RAPGEF4: variants seen among roughly 807,000 people sequenced by gnomAD.
The protein encoded by RAPGEF4 is RAP guanine-nucleotide-exchange factor (GEF) 4.
In RAPGEF4, 66 loss-of-function variants were observed where a neutral mutation model predicts 147.9. The ratio of observed to expected loss-of-function variants is 0.45; its 90% confidence interval spans 0.37 to 0.55. The LOEUF (loss-of-function observed/expected upper bound fraction) is 0.55. RAPGEF4 is among the 20% of genes least tolerant of loss of function. The probability of loss-of-function intolerance (pLI) is 0.00; values close to 1 mark genes in which losing one functional copy is unlikely to be tolerated. For missense variants in RAPGEF4, 1,071 were observed against 1,257.3 expected (o/e 0.85, Z 2.24); for synonymous variants, 419 against 442.7 (o/e 0.95, Z 0.67).
chr2:172,934,723 T>C (rs1686364559), intron 6 of RAPGEF4, among the ~76,000 whole-genome samples: 1 of 147,574 alleles, frequency 6.8e-6, no homozygotes, highest in African/African-American at 2.5e-5. Context: ...AGTGTTTCAT[T>C]TCATCTGTTA....
intron 19 of RAPGEF4, among the ~76,000 whole-genome samples, 171 bp downstream of exon 19, chr2:173,016,608 G>C (rs926428988): frequency 4.6e-5 from 7 of 152,166 alleles, no homozygotes; most frequent in Admixed American, 4.6e-4. Flanking sequence ...AGGAACAGAA[G>C]GACTGAGATT....
chr2:173,035,050 C>T (rs1347717355), intron 27 of RAPGEF4, among the ~76,000 whole-genome samples: 1 of 151,694 alleles, frequency 6.6e-6, no homozygotes, highest in Admixed American at 6.6e-5. Context: ...TTGAGTATAA[C>T]TTTTTATTAT....
intron 23 of RAPGEF4, among the ~76,000 whole-genome samples, chr2:173,021,593 C>T (rs536050941): frequency 6.6e-6 from 1 of 152,018 alleles, no homozygotes; most frequent in Admixed American, 6.5e-5. Context: ...GCCTCAAAAA[C>T]AAAGAAAAGA....
intron 1 of RAPGEF4, among the ~76,000 whole-genome samples, chr2:172,762,017 G>A (rs2149468974): frequency 6.6e-6 from 1 of 152,296 alleles, no homozygotes; most frequent in African/African-American, 2.4e-5. Flanking sequence ...AGCTACTCGG[G>A]AGGCTGAGGC....
At chr2:172,908,128 G>A (rs943474295) in intron 4 of RAPGEF4, among the ~76,000 whole-genome samples, 22 of 152,166 alleles carry the variant, frequency 1.4e-4, no homozygotes, top group African/African-American at 5.1e-4. Flanking sequence ...ATAATGCCTG[G>A]GGTCTATACC....
chr2:172,857,685 C>T (rs961722874), intron 4 of RAPGEF4, among the ~76,000 whole-genome samples: 4 of 151,672 alleles, frequency 2.6e-5, no homozygotes, highest in African/African-American at 9.7e-5. Flanking sequence ...AGTTTGAGAC[C>T]AGCCTGCGAA....
At chr2:173,031,429 TGCTGGAGACCTAGGG>T (rs1275045003) in intron 26 of RAPGEF4, among the ~76,000 whole-genome samples, 1 of 152,254 alleles carries the variant, frequency 6.6e-6, no homozygotes, top group African/African-American at 2.4e-5. Context: ...CTCTTGGGAT[TGCTGGAGACCTAGGG>T]TCCTCCTGCA....
Position 172,736,003 on chromosome 2 carries a change from C to T in RAPGEF4, c.20C>T (p.Ala7Val), listed in dbSNP as rs1279726029. The T allele has an allele frequency of 5.8e-5, 86 of 1,479,744 alleles. No homozygotes were observed. The highest frequency in any genetic ancestry group is 7.5e-5 in the Non-Finnish European group (84 of 1,113,822). The allele number at this position is 1,479,744 out of a possible 1,614,324, so 91.7% of individuals were successfully genotyped here. Residue 7 changes from alanine to valine, a missense_variant, in exon 1 of 31, where the codon GCC becomes GTC. Physicochemically the swap from Ala to Val is moderately conservative, Grantham distance 64. Transcript: ENST00000397081. MVAAHA[A>V]HSSSSAEWIA... ...CTCAACATGGTCGCTGCGCACGCTG[C>T]CCATTCTTCCTCCTCTGCCGAGTGG...
chr2:172,847,474 T>C (rs1692326548), intron 4 of RAPGEF4, among the ~76,000 whole-genome samples: 1 of 152,172 alleles, frequency 6.6e-6, no homozygotes, highest in African/African-American at 2.4e-5. Context: ...GCCTCCTCCT[T>C]GGCTCCTGCC....
At chr2:172,903,054 C>G (rs145965093) in intron 4 of RAPGEF4, among the ~76,000 whole-genome samples, 59 of 152,038 alleles carry the variant, frequency 3.9e-4, no homozygotes, top group Non-Finnish European at 7.8e-4. Context: ...GAAAAGCTGG[C>G]GGAGTTTAGA....
At chr2:173,025,017 G>T (rs1407811585) in intron 23 of RAPGEF4, among the ~76,000 whole-genome samples, 1 of 152,206 alleles carries the variant, frequency 6.6e-6, no homozygotes, top group Non-Finnish European at 1.5e-5. Context: ...TTAAAGCCCA[G>T]CTTCTTCAAG....
intron 4 of RAPGEF4, among the ~76,000 whole-genome samples, chr2:172,873,148 T>C (rs1228397373): frequency 6.6e-6 from 1 of 152,202 alleles, no homozygotes; most frequent in Admixed American, 6.5e-5. Flanking sequence ...ACAATGTGTC[T>C]ATAATTGCAT....
intron 6 of RAPGEF4, among the ~76,000 whole-genome samples, chr2:172,937,359 A>G (rs2553004): frequency 0.96 from 145,395 of 152,226 alleles, 69,822 homozygotes; most frequent in South Asian, 1. Context: ...TTGGCTATCC[A>G]TTTCTCAGAC....
chr2:172,736,133 C>A, intron 1 of RAPGEF4, 85 bp downstream of exon 1: 1 of 1,130,022 alleles, frequency 8.8e-7, no homozygotes, highest in Non-Finnish European at 1.1e-6. Flanking sequence ...CACCTGGGCG[C>A]AGCGCGGCCG....
intron 1 of RAPGEF4, chr2:172,744,288 A>T (rs569179177): frequency 2.5e-6 from 1 of 399,896 alleles, no homozygotes; most frequent in East Asian, 7.7e-5. Flanking sequence ...TCTTAGGATC[A>T]GCCAGACCTG....
At chr2:172,973,287 G>GT (rs1420914951) in intron 10 of RAPGEF4, among the ~76,000 whole-genome samples, 1 of 151,140 alleles carries the variant, frequency 6.6e-6, no homozygotes, top group African/African-American at 2.4e-5. Context: ...TAATTTTTTA[G>GT]TTTTTTATAG....
chr2:173,023,135 C>T (rs1235886078), intron 23 of RAPGEF4, among the ~76,000 whole-genome samples: 2 of 152,168 alleles, frequency 1.3e-5, no homozygotes, highest in African/African-American at 2.4e-5. Context: ...AGGGTGTGGG[C>T]ACACGAGGAA....
intron 10 of RAPGEF4, among the ~76,000 whole-genome samples, chr2:172,973,899 A>C (rs1690783588): frequency 6.6e-6 from 1 of 152,328 alleles, no homozygotes; most frequent in Non-Finnish European, 1.5e-5. Context: ...ACTGAGCACA[A>C]GAGCTCTGGG....
At chr2:173,034,679 G>A (rs1559201251) in intron 27 of RAPGEF4, among the ~76,000 whole-genome samples, 1 of 151,996 alleles carries the variant, frequency 6.6e-6, no homozygotes, top group African/African-American at 2.4e-5. Flanking sequence ...TTCGAGACCA[G>A]CCTGGCCAAC....
Sources: gnomAD v4.1 joint callset for allele counts (sites outside exome capture counted in the v4.1 genomes callset) on GRCh38, gnomAD v4.1.1 for gene constraint, MANE v1.5 for transcripts, NCBI Gene and HGNC (gene_info 2026-07-23, HGNC 2026-07-21) for gene names.